Variants in DAB1 observed in about 807,000 individuals in gnomAD.
DAB1 encodes the protein disabled homolog 1.
In DAB1, 15 loss-of-function variants were observed where a neutral mutation model predicts 64.6. The ratio of observed to expected loss-of-function variants is 0.23; its 90% CI spans 0.16 to 0.36. The LOEUF (loss-of-function observed/expected upper bound fraction) is 0.36. DAB1 is among the 10% of genes least tolerant of loss of function. The pLI, the probability that DAB1 is intolerant of heterozygous loss-of-function variation, is 1.00. For missense variants in DAB1, 596 were observed against 706.7 expected, an observed-to-expected ratio of 0.84 and a Z score of 1.78; for synonymous variants, 235 against 251.9, an observed-to-expected ratio of 0.93 and a Z score of 0.64.
intron 2 of DAB1, among the ~76,000 whole-genome samples, chr1:57,220,212 T>C (rs1450338016): frequency 6.6e-6 from 1 of 152,160 alleles, no homozygotes; most frequent in Non-Finnish European, 1.5e-5. Context: ...AGGGGTTCAT[T>C]TGGCTGGTGG....
intron 2 of DAB1, among the ~76,000 whole-genome samples, chr1:57,172,976 G>A (rs1051132637): frequency 2.6e-5 from 4 of 152,128 alleles, no homozygotes; most frequent in African/African-American, 4.8e-5. Flanking sequence ...AACTATCAAG[G>A]CCATAGTAAA....
At chr1:57,515,922 C>T (rs1644459039) in intron 7 of DAB1, among the ~76,000 whole-genome samples, 1 of 152,216 alleles carries the variant, frequency 6.6e-6, no homozygotes, top group Non-Finnish European at 1.5e-5. Flanking sequence ...CCACTCCTAC[C>T]TTCCTTCTAA....
intron 2 of DAB1, among the ~76,000 whole-genome samples, chr1:57,209,425 G>A (rs1665836443): frequency 6.6e-6 from 1 of 152,208 alleles, no homozygotes; most frequent in African/African-American, 2.4e-5. Flanking sequence ...CTGGCTATTT[G>A]CAGGGATAAA....
intron 5 of DAB1, 28 bp downstream of exon 5, chr1:57,072,255 G>A (rs1407832709): frequency 6.2e-6 from 10 of 1,611,226 alleles, no homozygotes; most frequent in African/African-American, 1.3e-5. Context: ...TCCAAGGAAA[G>A]ACTCCCTTCT....
At chr1:58,393,389 C>T (rs1644492591) in intron 3 of DAB1, among the ~76,000 whole-genome samples, 1 of 152,154 alleles carries the variant, frequency 6.6e-6, no homozygotes. Context: ...TATTCAAGCT[C>T]TTATTTAAGT....
chr1:57,186,327 C>A (rs1423470082), intron 2 of DAB1, among the ~76,000 whole-genome samples: 1 of 152,180 alleles, frequency 6.6e-6, no homozygotes, highest in Non-Finnish European at 1.5e-5. Context: ...CAGCTCTCCA[C>A]CACTTTGACA....
chr1:57,132,547 GATGCTCAAAGGAA>G (rs1657730159), intron 4 of DAB1, among the ~76,000 whole-genome samples: 1 of 152,144 alleles, frequency 6.6e-6, no homozygotes, highest in Non-Finnish European at 1.5e-5. Flanking sequence ...GCCCTGACAT[GATGCTCAAAGGAA>G]ATGCTCATTG....
At chr1:58,096,643 GTCT>G (rs1257624263) in intron 5 of DAB1, among the ~76,000 whole-genome samples, 2 of 152,182 alleles carry the variant, frequency 1.3e-5, no homozygotes, top group Non-Finnish European at 2.9e-5. Context: ...ACCCAGAAAA[GTCT>G]TCTTTCTAGT....
In DAB1 at chr1:57,722,882, G is replaced by A. The variant is rs75203034; in HGVS notation, n.552-73217C>T. 5.8e-3 allele frequency among the ~76,000 whole-genome samples: 884 copies of A among 152,206 alleles called. 9 individuals are homozygous for A. Among genetic ancestry groups the A allele is most frequent in the African/African-American group, 0.02 (838 of 41,526 alleles). On this transcript the variant is annotated intron_variant and non_coding_transcript_variant, in intron 6 of 20. Coordinates refer to the DAB1 transcript ENST00000485760. ...AGATCATCTGAGTTATCTGTCCCAC[G>A]CCCTAAATCTCCCCAACTGAGAGAA...
chr1:57,778,162 T>C (rs968974382), intron 6 of DAB1, among the ~76,000 whole-genome samples: 4 of 152,094 alleles, frequency 2.6e-5, no homozygotes, highest in African/African-American at 9.7e-5. Flanking sequence ...ATTCATAGGT[T>C]ATCATATGCA....
At chr1:57,121,585 C>T (rs1347391653) in intron 4 of DAB1, among the ~76,000 whole-genome samples, 2 of 151,922 alleles carry the variant, frequency 1.3e-5, no homozygotes, top group African/African-American at 4.8e-5. Context: ...AAAAGAAAAC[C>T]CGGCACATTT....
intron 5 of DAB1, among the ~76,000 whole-genome samples, chr1:58,050,023 G>A (rs957524055): frequency 6.6e-6 from 1 of 152,168 alleles, no homozygotes; most frequent in African/African-American, 2.4e-5. Flanking sequence ...ATTAAATGGA[G>A]ACCATAACAA....
chr1:58,503,547 A>G (rs991896310), intron 3 of DAB1, among the ~76,000 whole-genome samples: 1 of 152,046 alleles, frequency 6.6e-6, no homozygotes, highest in Non-Finnish European at 1.5e-5. Context: ...CCAACTCCCA[A>G]TGTGATGGTA....
In DAB1 at chr1:58,536,635, C is replaced by T. The variant is rs750256913; in HGVS notation, n.33-9300G>A. 3 of 872,768 alleles carry T rather than the reference C, an allele frequency of 3.4e-6. No homozygotes were observed. In the South Asian group the frequency reaches 3.9e-5, roughly 11 times the overall value. The allele number at this position is 872,768 out of a possible 1,614,324, so 54.1% of individuals were successfully genotyped here. On this transcript the variant is annotated intron_variant and non_coding_transcript_variant, in intron 1 of 20. Coordinates refer to the DAB1 transcript ENST00000485760. ...AAATAAAACACCACAAAGAGCAATCCAAAACTACTCAAACCAAGGAATAGC... is the reference window on the plus strand; with the variant it reads ...AAATAAAACACCACAAAGAGCAATCTAAAACTACTCAAACCAAGGAATAGC...
intron 6 of DAB1, among the ~76,000 whole-genome samples, chr1:57,687,445 A>G (rs1221512950): frequency 6.6e-6 from 1 of 152,124 alleles, no homozygotes; most frequent in Non-Finnish European, 1.5e-5. Flanking sequence ...AATTAATATC[A>G]TTAAAATGAC....
At chr1:58,004,724 C>T (rs902238484) in intron 5 of DAB1, among the ~76,000 whole-genome samples, 4 of 152,112 alleles carry the variant, frequency 2.6e-5, no homozygotes, top group African/African-American at 9.7e-5. Context: ...ACAACCCAAA[C>T]ACACGCACGT....
At chr1:58,183,653 TTTG>T (rs1656915540) in intron 4 of DAB1, among the ~76,000 whole-genome samples, 1 of 150,304 alleles carries the variant, frequency 6.7e-6, no homozygotes, top group Non-Finnish European at 1.5e-5. Flanking sequence ...GCACGTCTTG[TTTG>T]TTGTTATTGT....
intron 5 of DAB1, among the ~76,000 whole-genome samples, chr1:57,943,914 AG>A (rs1645142020): frequency 6.6e-6 from 1 of 152,112 alleles, no homozygotes; most frequent in South Asian, 2.1e-4. Context: ...TAAGGCCTTA[AG>A]GACTCAGCCT....
rs752624228 is a variant in DAB1 at position 57,415,162 on chromosome 1, A to G, written c.-137+8768T>C. On this transcript the variant is annotated intron_variant, in intron 1 of 14. Transcript: ENST00000371236. ...TGGTTAGGGCAAAAGAGTGGCTAAA[A>G]CATATGCTTAGAAATTGACTCTAAG... 3.2e-4 allele frequency among the ~76,000 whole-genome samples: 49 copies of G among 152,094 alleles called. 1 individual carries two copies. Among genetic ancestry groups the G allele is most frequent in the Admixed American group, 2.0e-4 (3 of 15,268 alleles).
Sources: allele counts gnomAD v4.1 joint callset (sites outside exome capture counted in the v4.1 genomes callset), GRCh38; gene constraint gnomAD v4.1.1; transcripts MANE v1.5; gene names NCBI Gene and HGNC (gene_info 2026-07-23, HGNC 2026-07-21).